The following BAZ1B variants were observed in gnomAD, a reference collection of about 807,000 sequenced individuals.
BAZ1B encodes bromodomain adjacent to zinc finger domain 1B.
BAZ1B carries 22 observed loss-of-function variants against 153.8 expected under a neutral mutation model. The observed-to-expected ratio is 0.14, with a 90% CI of 0.10 to 0.20. The LOEUF (loss-of-function observed/expected upper bound fraction) is 0.20, where lower values mean the gene tolerates loss of function less well. BAZ1B is among the 10% of genes least tolerant of loss of function. BAZ1B has a pLI of 1.00. For synonymous variants in BAZ1B, 676 were observed against 633.4 expected (o/e 1.07, Z -1.01); for missense variants, 1,325 against 1,799.3 (o/e 0.74, Z 4.77).
intron 1 of BAZ1B, among the ~76,000 whole-genome samples, chr7:73,513,756 CA>C (rs1790679290): frequency 6.6e-6 from 1 of 152,094 alleles, no homozygotes; most frequent in Non-Finnish European, 1.5e-5. Context: ...GAAGCTCCAA[CA>C]GGCATGGTAG....
intron 6 of BAZ1B, among the ~76,000 whole-genome samples, chr7:73,479,354 C>G (rs1211362087): frequency 6.6e-6 from 1 of 151,516 alleles, no homozygotes; most frequent in East Asian, 1.9e-4. Context: ...ACTAAAAATG[C>G]AAAAATTAGC....
chr7:73,510,707 T>A, intron 2 of BAZ1B, 29 bp downstream of exon 2: 1 of 1,579,460 alleles, frequency 6.3e-7, no homozygotes, highest in Non-Finnish European at 8.7e-7. Context: ...GTGAAGATGG[T>A]GGCAAAGAGC....
intron 6 of BAZ1B, among the ~76,000 whole-genome samples, chr7:73,483,267 T>C (rs1789269436): frequency 6.6e-6 from 1 of 152,162 alleles, no homozygotes; most frequent in Non-Finnish European, 1.5e-5. Context: ...AAAAAAAGGA[T>C]AAAAATTAAA....
rs1788494658 is a variant in BAZ1B at position 73,464,206 on chromosome 7, A to G, written c.3072-1107T>C. ...CTCTCTTCCATCAAACCTAAATTCA[A>G]CCGTGAAATTGAGCACAGAGTCAGC... On this transcript the variant is annotated intron_variant, in intron 11 of 19. Coordinates refer to ENST00000339594, the MANE Select transcript of BAZ1B (RefSeq NM_032408.4). The G allele has an allele frequency of 3.1e-6, 3 of 970,708 alleles. No homozygotes were observed. The South Asian group carries it at 1.4e-4, about 46-fold the overall frequency. The allele number at this position is 970,708 out of a possible 1,614,324, so 60.1% of individuals were successfully genotyped here.
At chr7:73,505,256 A>AT (rs1301986623) in intron 3 of BAZ1B, among the ~76,000 whole-genome samples, 1 of 152,176 alleles carries the variant, frequency 6.6e-6, no homozygotes, top group Non-Finnish European at 1.5e-5. Flanking sequence ...GCCTGCTTTG[A>AT]TAAGTATTCC....
chr7:73,466,853 C>A (rs112436847), intron 9 of BAZ1B, among the ~76,000 whole-genome samples: 1 of 152,176 alleles, frequency 6.6e-6, no homozygotes, highest in African/African-American at 2.4e-5. Flanking sequence ...TATACTGATA[C>A]GTGACTTTAA....
chr7:73,459,973 T>C (rs1266620392), intron 12 of BAZ1B, among the ~76,000 whole-genome samples: 2 of 152,020 alleles, frequency 1.3e-5, no homozygotes, highest in Non-Finnish European at 2.9e-5. Context: ...GGCGGGCGAA[T>C]CACCTGAGGT....
At chr7:73,490,303 T>C (rs1789584135) in intron 5 of BAZ1B, among the ~76,000 whole-genome samples, 1 of 152,088 alleles carries the variant, frequency 6.6e-6, no homozygotes, top group Non-Finnish European at 1.5e-5. Flanking sequence ...TAGCACACAA[T>C]AAATGAAAAA....
At chr7:73,468,795 T>C (rs1247353273) in intron 9 of BAZ1B, among the ~76,000 whole-genome samples, 1 of 152,102 alleles carries the variant, frequency 6.6e-6, no homozygotes, top group Non-Finnish European at 1.5e-5. Context: ...GCTTCACAAA[T>C]AGAGATTCAG....
At chr7:73,464,749 A>G (rs1371520268) in intron 11 of BAZ1B, among the ~76,000 whole-genome samples, 2 of 152,200 alleles carry the variant, frequency 1.3e-5, no homozygotes, top group African/African-American at 4.8e-5. Context: ...TGTATGAGAC[A>G]GCATCTCGCT....
chr7:73,492,658 AT>A lies in BAZ1B; in HGVS notation c.693+141del, dbSNP rs2116390793. 4.0e-6 allele frequency: 3 copies of A among 742,624 alleles called. No homozygotes were observed. The East Asian group carries it at 8.2e-5, about 20-fold the overall frequency. 46.0% of individuals were successfully genotyped at this position (742,624 alleles called of 1,614,324 possible). ...AATTTACATTAACTTGAAGTCATTAATTACTGTAACTACAAAACCACTCAGA... is the reference window on the plus strand; with the variant it reads ...AATTTACATTAACTTGAAGTCATTAATACTGTAACTACAAAACCACTCAGA... On this transcript the variant is annotated intron_variant, in intron 5 of 19. Coordinates refer to ENST00000339594, the MANE Select transcript of BAZ1B (RefSeq NM_032408.4).
intron 3 of BAZ1B, among the ~76,000 whole-genome samples, chr7:73,502,321 ATGTT>A (rs1248302245): frequency 4.6e-5 from 7 of 152,184 alleles, no homozygotes; most frequent in South Asian, 2.1e-4. Flanking sequence ...TATTGGGACA[ATGTT>A]TGTGGCACGC....
chr7:73,515,973 C>T lies in BAZ1B; in HGVS notation c.108-5121G>A, dbSNP rs533739771. ...TAGCCTGGCCAACACGGTGAAACCC[C>T]GTCTCTACTTAAAAAGTGCAAAAAA... On this transcript the variant is annotated intron_variant, in intron 1 of 19. Transcript: ENST00000339594. Among the ~76,000 whole-genome samples, 341 of 152,106 alleles carry T rather than the reference C, an allele frequency of 2.2e-3. 1 individual carries two copies. The highest frequency in any genetic ancestry group is 3.9e-3 in the Admixed American group (60 of 15,260).
At chr7:73,513,206 A>T (rs1554578815) in intron 1 of BAZ1B, among the ~76,000 whole-genome samples, 1 of 152,160 alleles carries the variant, frequency 6.6e-6, no homozygotes, top group Middle Eastern at 3.2e-3. Flanking sequence ...TCCTGCCTCA[A>T]TCTCCCAAAG....
intron 2 of BAZ1B, among the ~76,000 whole-genome samples, chr7:73,509,236 C>A (rs1790476179): frequency 6.6e-6 from 1 of 151,366 alleles, no homozygotes; most frequent in Admixed American, 6.6e-5. Context: ...GCAGGAGAAT[C>A]ACTTGAACAC....
intron 3 of BAZ1B, among the ~76,000 whole-genome samples, chr7:73,506,518 A>G (rs1169825232): frequency 6.8e-6 from 1 of 147,086 alleles, no homozygotes; most frequent in Non-Finnish European, 1.5e-5. Flanking sequence ...AAAAAATTTA[A>G]GTAGAAAAAG....
In BAZ1B at chr7:73,510,704, T is replaced by A. The variant is rs200989395; in HGVS notation, c.224+32A>T. ...CCCTCCTTTCCTAACAATGTGAAGATGGTGGCAAAGAGCAATACTTCCATT... is the reference window on the plus strand; with the variant it reads ...CCCTCCTTTCCTAACAATGTGAAGAAGGTGGCAAAGAGCAATACTTCCATT... On this transcript the variant is annotated intron_variant, in intron 2 of 19. Coordinates refer to ENST00000339594, the MANE Select transcript of BAZ1B (RefSeq NM_032408.4). 1.7e-4 allele frequency: 275 copies of A among 1,573,162 alleles called. No individual in the cohort carries two copies. The Admixed American group carries it at 4.4e-3, about 25-fold the overall frequency.
At chr7:73,460,844 A>G (rs1185085671) in intron 12 of BAZ1B, among the ~76,000 whole-genome samples, 3 of 151,676 alleles carry the variant, frequency 2.0e-5, no homozygotes, top group Non-Finnish European at 2.9e-5. Flanking sequence ...ACATGCCAGT[A>G]GTCCCAGCTA....
chr7:73,466,817 C>G (rs1788606798), intron 9 of BAZ1B, among the ~76,000 whole-genome samples: 1 of 152,198 alleles, frequency 6.6e-6, no homozygotes, highest in African/African-American at 2.4e-5. Flanking sequence ...AATAATACAA[C>G]TAACTTTTTT....
Sources: gnomAD v4.1 joint callset for allele counts (sites outside exome capture counted in the v4.1 genomes callset) on GRCh38, gnomAD v4.1.1 for gene constraint, MANE v1.5 for transcripts, NCBI Gene and HGNC (gene_info 2026-07-23, HGNC 2026-07-21) for gene names.